RNF213: variants seen among roughly 807,000 people sequenced by gnomAD.
RNF213 encodes the protein E3 ubiquitin-protein ligase RNF213.
Under a neutral mutation model 514.4 loss-of-function variants are expected in RNF213, and 341 were observed. That is an observed-to-expected ratio of 0.66 (90% CI 0.61 to 0.73). The LOEUF is 0.73. Ranked by LOEUF, RNF213 falls within the 30% of genes least tolerant of loss-of-function variation. The pLI is 0.00. For missense variants in RNF213, 5,767 were observed against 6,615.6 expected, an observed-to-expected ratio of 0.87 and a Z score of 4.45; for synonymous variants, 2,655 against 2,658.2, an observed-to-expected ratio of 1.00 and a Z score of 0.04.
chr17:80,355,230 C>T (rs1208972604), intron 36 of RNF213: 3 of 455,886 alleles, frequency 6.6e-6, no homozygotes, highest in Non-Finnish European at 1.3e-5. Context: ...GAGTCCCCTT[C>T]CAGGTCCAAG....
At position 80,369,491 on chromosome 17, in the gene RNF213, C is replaced by T. The variant is rs774623823; in HGVS notation, c.12156-11C>T. Reference sequence around the variant, plus strand: ...CACCATCCACCTGTCTTCTGTTTCTCGTGTTCTAAGGGAAGCCATTGAAAA... The same window carrying T: ...CACCATCCACCTGTCTTCTGTTTCTTGTGTTCTAAGGGAAGCCATTGAAAA... On this transcript the variant is annotated splice_polypyrimidine_tract_variant and intron_variant, in intron 44 of 67. Coordinates refer to ENST00000582970, the MANE Select transcript of RNF213 (RefSeq NM_001256071.3). The T allele has an allele frequency of 5.6e-6, 9 of 1,612,356 alleles. No homozygotes were observed. Among genetic ancestry groups the T allele is most frequent in the African/African-American group, 2.7e-5 (2 of 74,864 alleles).
At chr17:80,381,165 G>T (rs922019709) in intron 56 of RNF213, 178 bp downstream of exon 56, 1 of 712,876 alleles carries the variant, frequency 1.4e-6, no homozygotes, top group South Asian at 1.6e-5. Flanking sequence ...ATGATGGTAT[G>T]GGGGGAACTA....
intron 44 of RNF213, among the ~76,000 whole-genome samples, chr17:80,368,595 G>A (rs539321115): frequency 6.6e-4 from 100 of 152,242 alleles, no homozygotes; most frequent in African/African-American, 2.4e-3. Context: ...ACCATGCCCG[G>A]CTAATTTTTG....
chr17:80,337,695 A>G lies in RNF213; in HGVS notation c.4637A>G (p.Tyr1546Cys). 2.0e-6 allele frequency: 3 copies of G among 1,537,304 alleles called. No individual in the cohort carries two copies. Among genetic ancestry groups the G allele is most frequent in the Non-Finnish European group, 2.6e-6 (3 of 1,146,922 alleles). ...LATAINQRGI[Y>C]VIQAPKGGQK... ...ACGGCCATCAACCAAAGAGGCATCT[A>G]TGTGATCCAGGCGCCCAAAGGTGGC... Residue 1546 changes from tyrosine to cysteine, a missense_variant, in exon 24 of 68, where the codon TAT (tyrosine) becomes TGT (cysteine). By Grantham distance (194) the Tyr-to-Cys change is radical (BLOSUM62 -2). This residue lies in a region of RNF213 where 1,377 missense variants were observed against 1,635.2 expected (regional missense o/e 0.84). Coordinates refer to ENST00000582970, the MANE Select transcript of RNF213 (RefSeq NM_001256071.3).
At chr17:80,336,531 G>A in intron 23 of RNF213, 153 bp downstream of exon 23, 1 of 747,206 alleles carries the variant, frequency 1.3e-6, no homozygotes, top group Non-Finnish European at 2.3e-6. Flanking sequence ...CTTCATAAAT[G>A]GAAATTCACC....
At chr17:80,272,549 C>T (rs549369980) in intron 2 of RNF213, among the ~76,000 whole-genome samples, 54 of 152,320 alleles carry the variant, frequency 3.5e-4, no homozygotes, top group Non-Finnish European at 6.3e-4. Flanking sequence ...AACCCATGAC[C>T]GCAAACGGCA....
At chr17:80,315,914 AGGTGGTGGTGGTGGAGGTGACAG>A (rs2045929038) in intron 15 of RNF213, 1 of 19,616 alleles carries the variant, frequency 5.1e-5, no homozygotes, top group Non-Finnish European at 1.3e-4. Context: ...GTGGTGATGG[AGGTGGTGGTGGTGGAGGTGACAG>A]TGGTGATGCT....
intron 7 of RNF213, 111 bp from the exon 8 acceptor site, chr17:80,291,517 C>T: frequency 8.9e-7 from 1 of 1,128,658 alleles, no homozygotes; most frequent in Non-Finnish European, 1.3e-6. Flanking sequence ...GCCACTGAAC[C>T]CAGCCTTGCC....
At chr17:80,393,262 TGAGCCACACAGTGCTGGGCTTACACAC>T in intron 67 of RNF213, 56 bp from the exon 68 acceptor site, 1 of 1,142,006 alleles carries the variant, frequency 8.8e-7, no homozygotes, top group Non-Finnish European at 1.2e-6. Flanking sequence ...CTTACACACG[TGAGCCACACAGTGCTGGGCTTACACAC>T]GTGAGCCACC....
At chr17:80,379,333 AAAGG>A (rs2079891150) in intron 54 of RNF213, 1 of 444,470 alleles carries the variant, frequency 2.2e-6, no homozygotes, top group Non-Finnish European at 4.2e-6. Flanking sequence ...TGAATACAAG[AAAGG>A]AAGGTTGAAT....
Position 80,345,805 on chromosome 17 carries a change from C to G in RNF213, c.7470C>G (p.Asn2490Lys). 1 of 1,614,156 alleles carries G rather than the reference C, an allele frequency of 6.2e-7. No homozygotes were observed. The highest frequency in any genetic ancestry group is 8.5e-7 in the Non-Finnish European group (1 of 1,180,046). ...LDTILFFDEA[N>K]TTEAISCIKE... ...CCATCTTGTTTTTTGATGAAGCCAA[C>G]ACAACGGAAGCTATAAGCTGTATCA... is the stretch of plus-strand genomic sequence containing the variant. The change falls in exon 29 of 68, where the codon AAC (asparagine) becomes AAG (lysine). Residue 2490 changes from asparagine (N) to lysine (K), a missense_variant. This residue lies in a region of RNF213 where 1,377 missense variants were observed against 1,635.2 expected (regional missense o/e 0.84). Transcript: ENST00000582970. The surrounding 1 kb of genome is among the most constrained non-coding windows in gnomAD (Gnocchi z 6.0).
intron 57 of RNF213, chr17:80,382,478 A>G (rs2080058872): frequency 6.2e-6 from 1 of 160,592 alleles, no homozygotes; most frequent in South Asian, 1.8e-4. Context: ...TGAAACTGGC[A>G]TTCCTATTTA....
At position 80,377,829 on chromosome 17, in the gene RNF213, GGT is replaced by G; in HGVS notation, c.13545+35_13545+36del. On this transcript the variant is annotated intron_variant, in intron 54 of 67. Coordinates refer to ENST00000582970, the MANE Select transcript of RNF213 (RefSeq NM_001256071.3). This position sits in a 1 kb window ranked among gnomAD's most constrained non-coding sequence, Gnocchi z 4.1. ...TTGGTATTTAAGATAGGGTTTGAGG[GGT>G]GGCGTGCACTCCTGGGTTGGAGGAG... is the stretch of plus-strand genomic sequence containing the variant. 6.2e-7 allele frequency: 1 copy of G among 1,612,804 alleles called. No individual in the cohort carries two copies. The highest frequency in any genetic ancestry group is 8.5e-7 in the Non-Finnish European group (1 of 1,178,826).
chr17:80,386,983 C>G (rs1599212109), intron 63 of RNF213, 92 bp downstream of exon 63: 1 of 1,239,930 alleles, frequency 8.1e-7, no homozygotes, highest in Non-Finnish European at 1.1e-6. Context: ...GAAGCAGCAC[C>G]TCACCCTGCA....
At chr17:80,383,551 A>T in intron 58 of RNF213, 126 bp from the exon 59 acceptor site, 1 of 919,262 alleles carries the variant, frequency 1.1e-6, no homozygotes, top group Non-Finnish European at 1.8e-6. Context: ...ATACCTGATT[A>T]CATGCTCAGA....
chr17:80,321,599 C>T (rs566626160), intron 17 of RNF213: 1 of 152,370 alleles, frequency 6.6e-6, no homozygotes, highest in South Asian at 2.1e-4. Flanking sequence ...CCCACAGCAG[C>T]TGAACCATTT....
Position 80,337,874 on chromosome 17 carries a change from C to A in RNF213, c.4710C>A (p.Ser1570Arg). The change falls in exon 25 of 68, where the codon AGC (serine) becomes AGA (arginine). Residue 1570 changes from serine to arginine, a missense_variant. Around this residue, in one of 13 missense-constraint regions of RNF213, gnomAD observed 1,377 missense variants for 1,635.2 expected, o/e 0.84. Coordinates refer to ENST00000582970, the MANE Select transcript of RNF213 (RefSeq NM_001256071.3). ...TTCTGCACTTGATCCTTCCTGAGAG[C>A]CCTGGCAGCCACGAGGAGTCACGAG... ...DTVLHLILPE[S>R]PGSHEESREY... is the part of the protein sequence containing the mutation. 1 of 1,537,254 alleles carries A rather than the reference C, an allele frequency of 6.5e-7. No homozygotes were observed. The highest frequency in any genetic ancestry group is 1.2e-5 in the South Asian group (1 of 84,060).
intron 63 of RNF213, chr17:80,388,382 T>A (rs894425263): frequency 5.8e-5 from 33 of 564,272 alleles, no homozygotes; most frequent in Non-Finnish European, 4.2e-5. Context: ...CACGATGATG[T>A]GACAATATCT....
chr17:80,381,055 CT>C (rs2079979820), intron 56 of RNF213, 68 bp downstream of exon 56: 1 of 1,539,140 alleles, frequency 6.5e-7, no homozygotes, highest in Non-Finnish European at 9.0e-7. Flanking sequence ...CCAGGGAGTC[CT>C]TTTGTCTTGA....
Sources: allele counts gnomAD v4.1 joint callset (sites outside exome capture counted in the v4.1 genomes callset), GRCh38; gene constraint gnomAD v4.1.1; regional missense constraint gnomAD v4.1.1; non-coding constraint Gnocchi (gnomAD v3.1); transcripts MANE v1.5; gene names NCBI Gene and HGNC (gene_info 2026-07-23, HGNC 2026-07-21).